EPHA6: variants seen among roughly 807,000 people sequenced by gnomAD.
The protein encoded by EPHA6 is ephrin type-A receptor 6.
EPHA6 carries 50 observed loss-of-function variants against 112.0 expected under a neutral mutation model. That is an observed-to-expected ratio of 0.45 (90% CI 0.36 to 0.56). The LOEUF (loss-of-function observed/expected upper bound fraction) is 0.56. Among genes scored for constraint, EPHA6 ranks in the 20% least tolerant of loss-of-function variants. The probability of loss-of-function intolerance (pLI) is 0.00; values close to 1 mark genes in which losing one functional copy is unlikely to be tolerated. For synonymous variants in EPHA6, 529 were observed against 490.7 expected (o/e 1.08, Z -1.03); for missense variants, 1,280 against 1,417.4 (o/e 0.90, Z 1.56).
At chr3:97,016,438 A>T (rs1246673594) in intron 3 of EPHA6, among the ~76,000 whole-genome samples, 1 of 152,138 alleles carries the variant, frequency 6.6e-6, no homozygotes, top group African/African-American at 2.4e-5. Context: ...AAAAAAGTAA[A>T]TTAAATATAA....
intron 14 of EPHA6, among the ~76,000 whole-genome samples, chr3:97,685,176 A>T (rs1576284358): frequency 6.6e-6 from 1 of 152,192 alleles, no homozygotes; most frequent in Non-Finnish European, 1.5e-5. Context: ...ACTATTAATA[A>T]ACCAAATTTT....
intron 2 of EPHA6, among the ~76,000 whole-genome samples, chr3:96,985,041 G>A (rs2042965040): frequency 6.6e-6 from 1 of 152,122 alleles, no homozygotes; most frequent in Admixed American, 6.5e-5. Context: ...ACACTCAGTG[G>A]GCTGCACCCA....
intron 3 of EPHA6, among the ~76,000 whole-genome samples, chr3:97,214,309 G>A (rs1202910770): frequency 6.6e-6 from 1 of 151,764 alleles, no homozygotes; most frequent in African/African-American, 2.4e-5. Flanking sequence ...AAAGTGATAG[G>A]GATTACAGTC....
chr3:96,952,816 A>T (rs1576153937), intron 2 of EPHA6, among the ~76,000 whole-genome samples: 1 of 152,136 alleles, frequency 6.6e-6, no homozygotes, highest in Non-Finnish European at 1.5e-5. Flanking sequence ...ATAAGAACAC[A>T]TGGACACATA....
intron 3 of EPHA6, among the ~76,000 whole-genome samples, chr3:96,994,730 T>TAGAGAG (rs1325190702): frequency 2.5e-4 from 21 of 82,824 alleles, no homozygotes; most frequent in East Asian, 1.4e-3. Flanking sequence ...TATATATATA[T>TAGAGAG]ATAGAGAGAG....
At chr3:97,045,661 A>T (rs1253792978) in intron 3 of EPHA6, among the ~76,000 whole-genome samples, 2 of 152,206 alleles carry the variant, frequency 1.3e-5, no homozygotes, top group South Asian at 2.1e-4. Context: ...TGCTTTGGAA[A>T]TTTTATAAAA....
chr3:96,993,430 G>A (rs905408875), intron 3 of EPHA6, among the ~76,000 whole-genome samples: 2 of 151,902 alleles, frequency 1.3e-5, no homozygotes, highest in African/African-American at 4.8e-5. Flanking sequence ...CTGAGTAACT[G>A]AGATTTGTTG....
intron 5 of EPHA6, among the ~76,000 whole-genome samples, chr3:97,245,814 G>A (rs528126419): frequency 2.6e-5 from 4 of 151,662 alleles, no homozygotes; most frequent in Non-Finnish European, 4.4e-5. Context: ...CACTACATAC[G>A]TGATAAATGG....
At position 97,707,319 on chromosome 3, in the gene EPHA6, C is replaced by T. The variant is rs532763116; in HGVS notation, c.2785-12942C>T. ...AGTAAAAAGAAGAATGAAAGATCCT[C>T]CAAAACTCTTATAAACTTTCTGGGA... On this transcript the variant is annotated intron_variant, in intron 14 of 17. Transcript: ENST00000389672. Among the ~76,000 whole-genome samples, 142 of 152,216 alleles carry T rather than the reference C, an allele frequency of 9.3e-4. 2 individuals carry two copies. Among genetic ancestry groups the T allele is most frequent in the Non-Finnish European group, 2.6e-4 (18 of 67,996 alleles).
chr3:96,881,470 T>C (rs757200793), intron 2 of EPHA6, among the ~76,000 whole-genome samples: 123 of 152,270 alleles, frequency 8.1e-4, no homozygotes, highest in Non-Finnish European at 1.3e-3. Flanking sequence ...GAGAACCGTA[T>C]GGGGGAAACT....
intron 6 of EPHA6, among the ~76,000 whole-genome samples, chr3:97,409,546 T>C (rs1386531410): frequency 6.6e-6 from 1 of 152,084 alleles, no homozygotes; most frequent in Non-Finnish European, 1.5e-5. Context: ...AGAAAGTCAG[T>C]GCTTTCTGCT....
At chr3:97,389,529 AAAC>A (rs1326419236) in intron 5 of EPHA6, among the ~76,000 whole-genome samples, 1 of 152,194 alleles carries the variant, frequency 6.6e-6, no homozygotes, top group African/African-American at 2.4e-5. Flanking sequence ...AATTGTAAGA[AAAC>A]AAATATTTCT....
At chr3:97,384,920 G>T (rs1358245949) in intron 5 of EPHA6, among the ~76,000 whole-genome samples, 2 of 152,122 alleles carry the variant, frequency 1.3e-5, no homozygotes, top group African/African-American at 4.8e-5. Flanking sequence ...ATGCTGATGA[G>T]TGTTTAAAAA....
rs374696474 is a variant in EPHA6 at position 97,586,332 on chromosome 3, T to A, written c.2387-6280T>A. On this transcript the variant is annotated intron_variant, in intron 11 of 17. Coordinates refer to ENST00000389672, the MANE Select transcript of EPHA6 (RefSeq NM_001080448.3). ...GTTAAGGATACGCGAAATAAAGATC[T>A]CCATGGAGTAAAAGATGCATTTTTC... Among the ~76,000 whole-genome samples the A allele has an allele frequency of 3.3e-5, 5 of 152,288 alleles. No homozygotes were observed. In the East Asian group the frequency reaches 5.8e-4, roughly 18 times the overall value.
intron 11 of EPHA6, among the ~76,000 whole-genome samples, chr3:97,562,375 T>G (rs1395218120): frequency 3.9e-5 from 6 of 152,164 alleles, no homozygotes; most frequent in Non-Finnish European, 7.4e-5. Flanking sequence ...TTGGAAGAAG[T>G]TAATTCCAGC....
intron 3 of EPHA6, among the ~76,000 whole-genome samples, chr3:97,152,508 T>G (rs899205132): frequency 4.0e-5 from 6 of 151,432 alleles, no homozygotes; most frequent in African/African-American, 1.5e-4. Context: ...GAACTAACAC[T>G]GAAATGCATA....
intron 3 of EPHA6, among the ~76,000 whole-genome samples, chr3:97,078,476 A>G (rs896817215): frequency 1.3e-5 from 2 of 152,122 alleles, no homozygotes; most frequent in Non-Finnish European, 2.9e-5. Context: ...GCCCATGCCT[A>G]TGTCCTGAAT....
Position 97,139,562 on chromosome 3 carries a change from A to G in EPHA6, c.1115-86702A>G, listed in dbSNP as rs115634801. Among the ~76,000 whole-genome samples the G allele has an allele frequency of 1.8e-3, 275 of 152,282 alleles. 1 individual carries two copies. Among genetic ancestry groups the G allele is most frequent in the Non-Finnish European group, 2.5e-3 (167 of 68,020 alleles). On this transcript the variant is annotated intron_variant, in intron 3 of 17. Coordinates refer to ENST00000389672, the MANE Select transcript of EPHA6 (RefSeq NM_001080448.3). ...ATAACCAGCATTTGAGAAAGCCACT[A>G]TACTAAGGATATGTATAACCAAGGA...
intron 3 of EPHA6, among the ~76,000 whole-genome samples, chr3:97,180,036 C>T (rs1452351043): frequency 6.6e-6 from 1 of 152,034 alleles, no homozygotes; most frequent in Admixed American, 6.6e-5. Context: ...GAATCAGGGA[C>T]AAGAGCCAAA....
Sources: allele counts gnomAD v4.1 joint callset (sites outside exome capture counted in the v4.1 genomes callset), GRCh38; gene constraint gnomAD v4.1.1; transcripts MANE v1.5; gene names NCBI Gene and HGNC (gene_info 2026-07-23, HGNC 2026-07-21).